SMYD2: variants seen among roughly 807,000 people sequenced by gnomAD.
SMYD2 encodes the protein N-lysine methyltransferase SMYD2.
SMYD2 carries 53 observed loss-of-function variants against 59.1 expected under a neutral mutation model. The ratio of observed to expected loss-of-function variants is 0.90; its 90% confidence interval spans 0.72 to 1.13. The LOEUF (loss-of-function observed/expected upper bound fraction) is 1.13, where lower values mean the gene tolerates loss of function less well. Among genes scored for constraint, SMYD2 ranks in the 50% most tolerant of loss-of-function variants. The pLI is 0.00. For missense variants in SMYD2, 494 were observed against 544.7 expected (o/e 0.91, Z 0.93); for synonymous variants, 208 against 198.8 (o/e 1.05, Z -0.39).
At chr1:214,292,744 T>G (rs1274685084) in intron 1 of SMYD2, among the ~76,000 whole-genome samples, 1 of 152,122 alleles carries the variant, frequency 6.6e-6, no homozygotes, top group Non-Finnish European at 1.5e-5. Flanking sequence ...CCCTACTAAG[T>G]GCCCCTCCCA....
chr1:214,290,244 T>C (rs1308860054), intron 1 of SMYD2, among the ~76,000 whole-genome samples: 1 of 152,228 alleles, frequency 6.6e-6, no homozygotes, highest in Non-Finnish European at 1.5e-5. Flanking sequence ...AGGAAACAAC[T>C]TATCTTTCTA....
At chr1:214,320,397 A>G (rs540069045) in intron 5 of SMYD2, among the ~76,000 whole-genome samples, 44 of 152,364 alleles carry the variant, frequency 2.9e-4, no homozygotes, top group African/African-American at 1.1e-3. Flanking sequence ...TACAGTGAGC[A>G]TGTATAACTT....
intron 7 of SMYD2, among the ~76,000 whole-genome samples, 194 bp downstream of exon 7, chr1:214,327,918 T>C (rs957572251): frequency 2.6e-5 from 4 of 152,192 alleles, no homozygotes; most frequent in African/African-American, 4.8e-5. Context: ...TCCCACACTT[T>C]GGGGCTTCTG....
chr1:214,332,210 T>C lies in SMYD2; in HGVS notation c.1112+18T>C. 6.2e-7 allele frequency: 1 copy of C among 1,612,446 alleles called. No homozygotes were observed. The highest frequency in any genetic ancestry group is 8.5e-7 in the Non-Finnish European group (1 of 1,179,050). ...CCCTACAGGTGATTGCAGAGGCTGT[T>C]CTAATCATCCACGGAGTGGAATTTG... On this transcript the variant is annotated intron_variant, in intron 10 of 11. Transcript: ENST00000366957.
intron 6 of SMYD2, among the ~76,000 whole-genome samples, chr1:214,326,224 C>T (rs1037910268): frequency 9.2e-5 from 13 of 141,812 alleles, no homozygotes; most frequent in Admixed American, 8.6e-4. Context: ...GACAACAAAC[C>T]GAGACTCCAT....
Position 214,330,230 on chromosome 1 carries a change from T to C in SMYD2, c.768T>C (p.Asp256=), listed in dbSNP as rs975594396. Residue 256 remains aspartate (D), a synonymous_variant, in exon 8 of 12, where the codon GAT becomes GAC. Coordinates refer to ENST00000366957, the MANE Select transcript of SMYD2 (RefSeq NM_020197.3). ...AAGATAGAAATGACCGGTTAAGAGA[T>C]TCTTATTTCTTTACCTGTGAGTGCC... ...PTEDRNDRLR[D]SYFFTCECQE... 11 of 1,613,560 alleles carry C rather than the reference T, an allele frequency of 6.8e-6. No homozygotes were observed. The highest frequency in any genetic ancestry group is 5.0e-5 in the Admixed American group (3 of 60,000).
intron 1 of SMYD2, 66 bp from the exon 2 acceptor site, chr1:214,305,121 A>T: frequency 6.7e-7 from 1 of 1,493,766 alleles, no homozygotes; most frequent in Non-Finnish European, 9.3e-7. Flanking sequence ...TTGTTGTTGC[A>T]TGATAAAATG....
At chr1:214,292,093 AG>A in intron 1 of SMYD2, among the ~76,000 whole-genome samples, 1 of 67,584 alleles carries the variant, frequency 1.5e-5, no homozygotes, top group South Asian at 4.9e-4. Flanking sequence ...CTAGGGTGAG[AG>A]AGAGAGAGAG....
At chr1:214,330,116 G>C (rs960136435) in intron 7 of SMYD2, 52 bp from the exon 8 acceptor site, 1 of 1,270,046 alleles carries the variant, frequency 7.9e-7, no homozygotes, top group Non-Finnish European at 1.1e-6. Context: ...GGAATGACAA[G>C]GATTGAGTTT....
intron 1 of SMYD2, 71 bp downstream of exon 1, chr1:214,281,498 C>A (rs1201606154): frequency 1.6e-6 from 2 of 1,231,846 alleles, no homozygotes; most frequent in African/African-American, 1.6e-5. Flanking sequence ...ACGGCGGCGC[C>A]AGGAAGTGCG....
intron 1 of SMYD2, among the ~76,000 whole-genome samples, chr1:214,285,637 T>C (rs993235955): frequency 6.6e-6 from 1 of 152,226 alleles, no homozygotes; most frequent in African/African-American, 2.4e-5. Flanking sequence ...CAGCTATCTG[T>C]ATGTTAGGTA....
chr1:214,304,731 A>G (rs1454540279), intron 1 of SMYD2, among the ~76,000 whole-genome samples: 1 of 152,196 alleles, frequency 6.6e-6, no homozygotes, highest in Non-Finnish European at 1.5e-5. Flanking sequence ...TCACCAGAGT[A>G]GGTGCACCCC....
At chr1:214,329,027 C>T (rs901215627) in intron 7 of SMYD2, among the ~76,000 whole-genome samples, 2 of 152,134 alleles carry the variant, frequency 1.3e-5, no homozygotes, top group Admixed American at 6.5e-5. Flanking sequence ...TGGAAGCTTC[C>T]GCATGTTGCA....
intron 3 of SMYD2, among the ~76,000 whole-genome samples, chr1:214,315,275 T>G (rs1436075533): frequency 6.6e-6 from 1 of 152,192 alleles, no homozygotes. Context: ...CCCTTTCCTG[T>G]GTAATATTCT....
intron 5 of SMYD2, among the ~76,000 whole-genome samples, chr1:214,320,121 C>A (rs1657147288): frequency 6.6e-6 from 1 of 152,078 alleles, no homozygotes; most frequent in African/African-American, 2.4e-5. Flanking sequence ...CTATAAATGG[C>A]CAGTAGTGGG....
intron 1 of SMYD2, among the ~76,000 whole-genome samples, chr1:214,296,172 A>G (rs34442733): frequency 0.11 from 16,564 of 152,314 alleles, 1,115 homozygotes; most frequent in Middle Eastern, 0.2. Context: ...TTTGATCTAG[A>G]CCAACAGCAC....
chr1:214,332,254 GAT>G, intron 10 of SMYD2, 62 bp downstream of exon 10: 2 of 1,559,356 alleles, frequency 1.3e-6, no homozygotes, highest in East Asian at 2.3e-5. Context: ...GAATGTATAC[GAT>G]AGTGTCATCT....
intron 2 of SMYD2, among the ~76,000 whole-genome samples, chr1:214,309,017 T>G (rs1042113288): frequency 4.6e-5 from 7 of 152,212 alleles, no homozygotes; most frequent in African/African-American, 1.7e-4. Context: ...AGGCTCACAT[T>G]GCTTCCTGGG....
At chr1:214,334,487 C>T (rs1657405992) in intron 11 of SMYD2, among the ~76,000 whole-genome samples, 179 bp downstream of exon 11, 1 of 152,106 alleles carries the variant, frequency 6.6e-6, no homozygotes, top group African/African-American at 2.4e-5. Context: ...TGAGAGAGTG[C>T]ACCTCTGCTG....
Sources: gnomAD v4.1 joint callset for allele counts (sites outside exome capture counted in the v4.1 genomes callset) on GRCh38, gnomAD v4.1.1 for gene constraint, MANE v1.5 for transcripts, NCBI Gene and HGNC (gene_info 2026-07-23, HGNC 2026-07-21) for gene names.